DNAAF4: variants seen among roughly 807,000 people sequenced by gnomAD.
DNAAF4 encodes the protein dynein assembly factor 4, axonemal.
A neutral mutation model predicts 51.8 loss-of-function variants in DNAAF4; 43 were observed. The observed-to-expected ratio is 0.83, with a 90% CI of 0.65 to 1.07. DNAAF4 has a LOEUF of 1.07. Ranked by LOEUF, DNAAF4 falls within the 50% of genes least tolerant of loss-of-function variation. The pLI, the probability that DNAAF4 is intolerant of heterozygous loss-of-function variation, is 0.00. For synonymous variants in DNAAF4, 194 were observed against 165.6 expected, an observed-to-expected ratio of 1.17 and a Z score of -1.32; for missense variants, 581 against 493.0, an observed-to-expected ratio of 1.18 and a Z score of -1.69.
chr15:55,418,386 C>G, intron 7 of DNAAF4: 2 of 1,535,372 alleles, frequency 1.3e-6, no homozygotes, highest in East Asian at 4.9e-5. Context: ...ATGTATAAAA[C>G]CAATTCAAGT....
chr15:55,427,987 C>T (rs558583467), downstream of DNAAF4, among the ~76,000 whole-genome samples: 1 of 151,806 alleles, frequency 6.6e-6, no homozygotes, highest in East Asian at 1.9e-4. Flanking sequence ...AGTTTCACTC[C>T]TGTCACCCAG....
chr15:55,486,342 T>C (rs2058489328), intron 4 of DNAAF4, among the ~76,000 whole-genome samples: 1 of 151,858 alleles, frequency 6.6e-6, no homozygotes, highest in Non-Finnish European at 1.5e-5. Context: ...TACAGGTGCC[T>C]GCCACCACGC....
rs534884155 is a variant in DNAAF4, at chr15:55,463,068, G to A, written c.637+3862C>T. 9.9e-5 allele frequency among the ~76,000 whole-genome samples: 15 copies of A among 152,180 alleles called. No individual in the cohort carries two copies. The South Asian group carries it at 1.5e-3, about 15-fold the overall frequency. ...GCACACCTGTAATCCCAGATACTGG[G>A]GAGGTTGAGGCAGGAGAACTGCTTG... On this transcript the variant is annotated intron_variant, in intron 5 of 9. Transcript: ENST00000321149.
rs781615543 is a variant in DNAAF4, at chr15:55,498,344, G to A, written c.-15C>T. The A allele has an allele frequency of 1.9e-6, 3 of 1,597,106 alleles. No individual in the cohort carries two copies. Among genetic ancestry groups the A allele is most frequent in the South Asian group, 1.1e-5 (1 of 89,706 alleles). Reference sequence around the variant, plus strand: ...TGAAGAGGCATTCCGGTAGCAACGGGAGCGGATAGCGCGGCTGGTTGCTTC... The same window carrying A: ...TGAAGAGGCATTCCGGTAGCAACGGAAGCGGATAGCGCGGCTGGTTGCTTC... On this transcript the variant is annotated 5_prime_UTR_variant, in exon 2 of 10. Transcript: ENST00000321149.
chr15:55,443,875 C>G (rs1296410687), intron 6 of DNAAF4, among the ~76,000 whole-genome samples: 1 of 152,170 alleles, frequency 6.6e-6, no homozygotes, highest in Non-Finnish European at 1.5e-5. Context: ...ATATCCTTCA[C>G]CCATGTTTCG....
chr15:55,503,386 A>G (rs542003757), intron 1 of DNAAF4, among the ~76,000 whole-genome samples: 9 of 152,328 alleles, frequency 5.9e-5, no homozygotes, highest in Non-Finnish European at 1.2e-4. Flanking sequence ...AACTATTCCA[A>G]TCAATCGGAA....
In DNAAF4 at chr15:55,473,279, A is replaced by ATGTG. The variant is rs1484690588; in HGVS notation, c.406-6119_406-6118insCACA. On this transcript the variant is annotated intron_variant, in intron 4 of 9. Transcript: ENST00000321149. The stretch of plus-strand genomic sequence containing the variant: ...TATATATGTGTATATATGTGTATAT[A>ATGTG]TATGTGTATATATATGTGTATATAT... 5.6e-4 allele frequency among the ~76,000 whole-genome samples: 78 copies of ATGTG among 140,538 alleles called. 6 individuals are homozygous for ATGTG. The highest frequency in any genetic ancestry group is 1.9e-3 in the African/African-American group (72 of 38,092). The allele number at this position is 140,538 out of a possible 152,430, so 92.2% of individuals were successfully genotyped here. A position where few individuals can be genotyped will look rare whatever the true frequency, so the allele number is the denominator to read the frequency against.
rs555208424 is a variant in DNAAF4 at position 55,470,115 on chromosome 15, G to A, written c.406-2954C>T. Among the ~76,000 whole-genome samples, 228 of 150,186 alleles carry A rather than the reference G, an allele frequency of 1.5e-3. 1 individual carries two copies. The highest frequency in any genetic ancestry group is 5.3e-3 in the African/African-American group (218 of 40,810). On this transcript the variant is annotated intron_variant, in intron 4 of 9. Coordinates refer to ENST00000321149, the MANE Select transcript of DNAAF4 (RefSeq NM_130810.4). ...TGCCCAGGCTGGAGTGCAGTGGCAC[G>A]ATCTCGGCTCACTGCAACCTCCGCC...
chr15:55,424,502 T>G (rs928949381), intron 7 of DNAAF4, among the ~76,000 whole-genome samples: 1 of 152,218 alleles, frequency 6.6e-6, no homozygotes, highest in Admixed American at 6.5e-5. Context: ...GGAAAGCAGT[T>G]GGCTTGCTAG....
At chr15:55,439,919 C>T (rs1021402821) in intron 6 of DNAAF4, among the ~76,000 whole-genome samples, 1 of 152,138 alleles carries the variant, frequency 6.6e-6, no homozygotes, top group African/African-American at 2.4e-5. Flanking sequence ...ATGAGCACCC[C>T]TACCAAGAAT....
chr15:55,460,242 G>A (rs1052736111), intron 5 of DNAAF4, among the ~76,000 whole-genome samples: 1 of 148,664 alleles, frequency 6.7e-6, no homozygotes, highest in Admixed American at 6.8e-5. Flanking sequence ...GTGCCGTGGT[G>A]CAGTCTCGGC....
At chr15:55,432,662 A>G in intron 8 of DNAAF4, 60 bp from the exon 9 acceptor site, 1 of 1,463,670 alleles carries the variant, frequency 6.8e-7, no homozygotes, top group Non-Finnish European at 9.3e-7. Flanking sequence ...AAACAAGCAA[A>G]AGGCTGGGCA....
At chr15:55,492,785 G>A (rs950977937) in intron 3 of DNAAF4, among the ~76,000 whole-genome samples, 1 of 152,060 alleles carries the variant, frequency 6.6e-6, no homozygotes, top group African/African-American at 2.4e-5. Context: ...TGATCCGCCT[G>A]CCTTGGCCTC....
rs142084351 is a variant in DNAAF4, at chr15:55,498,331, C to T, written c.-2G>A. On this transcript the variant is annotated 5_prime_UTR_variant, in exon 2 of 10. Transcript: ENST00000321149. The stretch of plus-strand genomic sequence containing the variant: ...GTAATCGCTAACCTGAAGAGGCATT[C>T]CGGTAGCAACGGGAGCGGATAGCGC... The T allele has an allele frequency of 9.4e-4, 1,497 of 1,600,472 alleles. 2 individuals are homozygous for T. Among genetic ancestry groups the T allele is most frequent in the Non-Finnish European group, 1.2e-3 (1,353 of 1,172,062 alleles).
chr15:55,485,185 G>C (rs1450649439), intron 4 of DNAAF4, among the ~76,000 whole-genome samples: 3 of 152,128 alleles, frequency 2.0e-5, no homozygotes, highest in Non-Finnish European at 4.4e-5. Flanking sequence ...CTAAGAACGG[G>C]TTTATGGAGA....
At chr15:55,449,646 C>A (rs150862779) in intron 6 of DNAAF4, among the ~76,000 whole-genome samples, 2,964 of 139,488 alleles carry the variant, frequency 0.021, 120 homozygotes, top group African/African-American at 0.075. Flanking sequence ...GCCTGGGCAA[C>A]AAGAGCAAAA....
At chr15:55,494,173 G>A (rs189672590) in intron 3 of DNAAF4, among the ~76,000 whole-genome samples, 1 of 151,884 alleles carries the variant, frequency 6.6e-6, no homozygotes, top group Non-Finnish European at 1.5e-5. Flanking sequence ...GGGATTGCAG[G>A]TATGCGCCAC....
chr15:55,485,440 T>C lies in DNAAF4; in HGVS notation c.405+5683A>G, dbSNP rs11629841. Among the ~76,000 whole-genome samples, 6 of 152,046 alleles carry C rather than the reference T, an allele frequency of 3.9e-5. No homozygotes were observed. The South Asian group carries it at 1.2e-3, about 31-fold the overall frequency. On this transcript the variant is annotated intron_variant, in intron 4 of 9. Transcript: ENST00000321149. ...ACTGATAAGGATCATTTTGAGGTCC[T>C]ATGGCATTAAATAGACAACTAGCAA...
rs565410980 is a variant in DNAAF4 at position 55,493,666 on chromosome 15, TTAAA to T, written c.272-2414_272-2411del. Among the ~76,000 whole-genome samples the T allele has an allele frequency of 4.1e-3, 629 of 152,300 alleles. 2 individuals carry two copies. The highest frequency in any genetic ancestry group is 6.4e-3 in the Non-Finnish European group (436 of 68,022). On this transcript the variant is annotated intron_variant, in intron 3 of 9. Coordinates refer to ENST00000321149, the MANE Select transcript of DNAAF4 (RefSeq NM_130810.4). ...AATATTTTATGTGAAAAAAAAATGG[TTAAA>T]TAAATAATCCCACTGAATTGCAAGT...
Sources: gnomAD v4.1 joint callset for allele counts (sites outside exome capture counted in the v4.1 genomes callset) on GRCh38, gnomAD v4.1.1 for gene constraint, MANE v1.5 for transcripts, NCBI Gene and HGNC (gene_info 2026-07-23, HGNC 2026-07-21) for gene names.